The following OTOG variants were observed in gnomAD, a reference collection of about 807,000 sequenced individuals.
OTOG encodes the protein otogelin.
A neutral mutation model predicts 313.8 loss-of-function variants in OTOG; 296 were observed. That is an observed-to-expected ratio of 0.94 (90% CI 0.86 to 1.04). The LOEUF (loss-of-function observed/expected upper bound fraction) is 1.04. Ranked by LOEUF, OTOG falls within the 50% of genes least tolerant of loss-of-function variation. OTOG has a pLI of 0.00. For missense variants in OTOG, 3,948 were observed against 3,840.1 expected (o/e 1.03, Z -0.74); for synonymous variants, 1,533 against 1,554.9 (o/e 0.99, Z 0.33).
intron 18 of OTOG, among the ~76,000 whole-genome samples, 190 bp from the exon 19 acceptor site, chr11:17,572,888 A>G (rs542427669): frequency 2.0e-5 from 3 of 152,172 alleles, no homozygotes; most frequent in Non-Finnish European, 4.4e-5. Context: ...CAAGCCACGT[A>G]TTCACACCCA....
intron 26 of OTOG, 92 bp from the exon 27 acceptor site, chr11:17,593,518 C>G: frequency 6.7e-7 from 1 of 1,495,690 alleles, no homozygotes; most frequent in Non-Finnish European, 9.0e-7. Flanking sequence ...ATGAGGGAGG[C>G]AGAGGCATTG....
intron 47 of OTOG, among the ~76,000 whole-genome samples, chr11:17,637,378 T>A (rs1206220583): frequency 4.0e-4 from 61 of 152,082 alleles, no homozygotes; most frequent in Admixed American, 3.9e-3. Flanking sequence ...ATGCCTCACA[T>A]CTCTCATCCT....
At position 17,609,808 on chromosome 11, in the gene OTOG, C is replaced by G. The variant is rs541470403; in HGVS notation, c.4508C>G (p.Ala1503Gly). The change falls in exon 36 of 56, where the codon GCC (alanine) becomes GGC (glycine). Residue 1503 changes from alanine (A) to glycine (G), a missense_variant. By Grantham distance (60) the Ala-to-Gly change is moderately conservative. Coordinates refer to ENST00000399397, the MANE Select transcript of OTOG (RefSeq NM_001292063.2). ...CACAGGCCAGCCCTCACCCCAGCTG[C>G]CCCACTCACCACAGCCCTGAACCCA... ...PTHRPALTPA[A>G]PLTTALNPPV... 5.8e-6 allele frequency: 9 copies of G among 1,544,666 alleles called. No individual in the cohort carries two copies. The highest frequency in any genetic ancestry group is 7.9e-6 in the Non-Finnish European group (9 of 1,143,936).
At chr11:17,551,506 C>T (rs981916079) in intron 3 of OTOG, among the ~76,000 whole-genome samples, 2 of 151,734 alleles carry the variant, frequency 1.3e-5, no homozygotes, top group Admixed American at 1.3e-4. Flanking sequence ...GCTGGTTTTG[C>T]TGTTCTTGGA....
intron 15 of OTOG, among the ~76,000 whole-genome samples, chr11:17,562,804 C>A (rs192360723): frequency 6.6e-6 from 1 of 152,250 alleles, no homozygotes; most frequent in East Asian, 1.9e-4. Context: ...TCCTTCTTTC[C>A]TTCCATCCTT....
chr11:17,583,077 C>T (rs191320455), intron 23 of OTOG, among the ~76,000 whole-genome samples: 16 of 151,498 alleles, frequency 1.1e-4, no homozygotes, highest in African/African-American at 3.1e-4. Flanking sequence ...AGATATTCTC[C>T]TATGTTTTTT....
intron 23 of OTOG, among the ~76,000 whole-genome samples, chr11:17,579,787 C>A (rs1048017927): frequency 6.6e-6 from 1 of 152,176 alleles, no homozygotes; most frequent in Non-Finnish European, 1.5e-5. Flanking sequence ...GGGTCACTCA[C>A]TGCCAAGAGT....
At position 17,569,250 on chromosome 11, in the gene OTOG, T is replaced by G; in HGVS notation, c.1739T>G (p.Leu580Arg). 6.4e-7 allele frequency: 1 copy of G among 1,550,596 alleles called. No individual in the cohort carries two copies. Among genetic ancestry groups the G allele is most frequent in the Non-Finnish European group, 8.7e-7 (1 of 1,147,000 alleles). Reference sequence around the variant, plus strand: ...CTGACCCAGGCAGGGGATGTCCTTCTGTTTGACCAGTACAAGATCATCCCG... The same window carrying G: ...CTGACCCAGGCAGGGGATGTCCTTCGGTTTGACCAGTACAAGATCATCCCG... ...VTLTQAGDVL[L>R]FDQYKIIPPY... Residue 580 changes from leucine to arginine, a missense_variant, in exon 16 of 56, where the codon CTG (leucine) becomes CGG (arginine). By Grantham distance (102) the Leu-to-Arg change is moderately radical. Transcript: ENST00000399397.
At chr11:17,574,070 T>C (rs930832056) in intron 19 of OTOG, among the ~76,000 whole-genome samples, 2 of 152,182 alleles carry the variant, frequency 1.3e-5, no homozygotes, top group East Asian at 1.9e-4. Flanking sequence ...GGCATCAGCA[T>C]TTTCAGAAGC....
At chr11:17,616,899 A>G (rs1455793948) in intron 39 of OTOG, among the ~76,000 whole-genome samples, 1 of 152,206 alleles carries the variant, frequency 6.6e-6, no homozygotes. Context: ...GTGATGCTGA[A>G]TAAGAAAGGT....
chr11:17,568,765 A>G (rs752656615), intron 15 of OTOG, among the ~76,000 whole-genome samples: 7 of 152,198 alleles, frequency 4.6e-5, no homozygotes, highest in Non-Finnish European at 1.0e-4. Context: ...CAGGATGTGA[A>G]CATGAAATGA....
rs769908947 is a variant in OTOG, at chr11:17,635,147, G to C, written c.7653G>C (p.Thr2551=). The C allele has an allele frequency of 7.8e-6, 12 of 1,548,062 alleles. No homozygotes were observed. The highest frequency in any genetic ancestry group is 2.7e-5 in the African/African-American group (2 of 72,900). The stretch of plus-strand genomic sequence containing the variant: ...GCCGACAGGACCAGATCCTGATCAC[G>C]GGCCGCCTGGGGGACTCCTGCTGCA... The part of the protein sequence containing the change: ...PSCRQDQILI[T]GRLGDSCCTS... Residue 2551 remains threonine, a synonymous_variant, in exon 46 of 56, where the codon ACG becomes ACC. Transcript: ENST00000399397.
At chr11:17,620,987 T>C (rs539571202) in intron 39 of OTOG, among the ~76,000 whole-genome samples, 56 of 152,334 alleles carry the variant, frequency 3.7e-4, no homozygotes, top group African/African-American at 1.3e-3. Context: ...CCTTCTTCTG[T>C]TTTCCTCTAT....
In OTOG at chr11:17,605,995, G is replaced by A. The variant is rs1459807941; in HGVS notation, c.4016G>A (p.Gly1339Glu). The change falls in exon 33 of 56, where the codon GGG becomes GAG. Residue 1339 changes from glycine (G) to glutamate (E), a missense_variant. Transcript: ENST00000399397. ...CATGCCTCCTTCTTGCTGCACCGGG[G>A]GACACGGCAGGCAGGCCTGGTGGCC... ...QQHASFLLHR[G>E]TRQAGLVALE... is the part of the protein sequence containing the mutation. The A allele has an allele frequency of 1.3e-6, 2 of 1,550,598 alleles. No homozygotes were observed. Among genetic ancestry groups the A allele is most frequent in the Admixed American group, 3.9e-5 (2 of 51,006 alleles).
At chr11:17,622,144 T>G (rs1219554341) in intron 39 of OTOG, among the ~76,000 whole-genome samples, 1 of 152,222 alleles carries the variant, frequency 6.6e-6, no homozygotes, top group Admixed American at 6.5e-5. Context: ...CAAAGTTTTC[T>G]TTGTGACTCC....
rs1282940932 is a variant in OTOG at position 17,610,897 on chromosome 11, C to G, written c.5597C>G (p.Ala1866Gly). Residue 1866 changes from alanine (A) to glycine (G), a missense_variant, in exon 36 of 56, where the codon GCA becomes GGA. Ala to Gly is a moderately conservative substitution (Grantham distance 60). Transcript: ENST00000399397. ...MTQAHPPTHI[A>G]PPAAGTAPGL... ...CAGGCGCACCCACCCACTCACATAGCACCCCCAGCAGCAGGCACAGCTCCA... is the reference window on the plus strand; with the variant it reads ...CAGGCGCACCCACCCACTCACATAGGACCCCCAGCAGCAGGCACAGCTCCA... The G allele has an allele frequency of 2.6e-6, 4 of 1,550,578 alleles. No homozygotes were observed. In the South Asian group the frequency reaches 4.8e-5, roughly 18 times the overall value.
In OTOG at chr11:17,611,252, TCAGCTGGCTGAGG is replaced by T; in HGVS notation, c.5954_5966del (p.Gln1985ProfsTer30). The T allele has an allele frequency of 6.5e-7, 1 of 1,550,232 alleles. No homozygotes were observed. The highest frequency in any genetic ancestry group is 8.7e-7 in the Non-Finnish European group (1 of 1,146,910). On this transcript the variant is annotated frameshift_variant, in exon 36 of 56. Coordinates refer to ENST00000399397, the MANE Select transcript of OTOG (RefSeq NM_001292063.2). LOFTEE classifies it high-confidence loss of function. ...AAGACAGCATGCTGGTTCTGTTGCC[TCAGCTGGCTGAGG>T]CCCATGGAACCTCGGCAGGGCCTCA...
At chr11:17,579,472 G>T (rs560561371) in intron 23 of OTOG, among the ~76,000 whole-genome samples, 1 of 152,234 alleles carries the variant, frequency 6.6e-6, no homozygotes, top group Non-Finnish European at 1.5e-5. Flanking sequence ...TGCCCAAAGA[G>T]CCAGGACTCA....
At chr11:17,607,796 G>A (rs149498454) in intron 33 of OTOG, among the ~76,000 whole-genome samples, 3 of 152,280 alleles carry the variant, frequency 2.0e-5, no homozygotes, top group African/African-American at 4.8e-5. Context: ...GGATCCCCCA[G>A]TGCCTCCCCT....
Sources: allele counts gnomAD v4.1 joint callset (sites outside exome capture counted in the v4.1 genomes callset), GRCh38; gene constraint gnomAD v4.1.1; transcripts MANE v1.5; gene names NCBI Gene and HGNC (gene_info 2026-07-23, HGNC 2026-07-21).